Variants in RBFOX1 observed in about 807,000 individuals in gnomAD.
The protein encoded by RBFOX1 is RNA binding fox-1 homolog 1, also known as RNA binding protein fox-1 homolog 1.
In RBFOX1, 8 loss-of-function variants were observed where a neutral mutation model predicts 57.7. The observed-to-expected ratio is 0.14, with a 90% CI of 0.08 to 0.25. The LOEUF (loss-of-function observed/expected upper bound fraction) is 0.25, where lower values mean the gene tolerates loss of function less well. Among genes scored for constraint, RBFOX1 ranks in the 10% least tolerant of loss-of-function variants. The pLI is 1.00. For synonymous variants in RBFOX1, 326 were observed against 222.4 expected, an observed-to-expected ratio of 1.47 and a Z score of -4.15; for missense variants, 611 against 548.5, an observed-to-expected ratio of 1.11 and a Z score of -1.14.
chr16:5,649,606 T>C (rs758887927), intron 3 of RBFOX1, among the ~76,000 whole-genome samples: 8 of 152,228 alleles, frequency 5.3e-5, no homozygotes, highest in Non-Finnish European at 7.3e-5. Context: ...TCATTTCCCT[T>C]TCTTCCCTGA....
chr16:7,623,298 T>A (rs2059586814), intron 10 of RBFOX1, among the ~76,000 whole-genome samples: 1 of 152,206 alleles, frequency 6.6e-6, no homozygotes, highest in Non-Finnish European at 1.5e-5. Context: ...GCATTTCTTG[T>A]GTACCTTATT....
chr16:6,965,029 T>C (rs2083804646), intron 3 of RBFOX1, among the ~76,000 whole-genome samples: 1 of 152,238 alleles, frequency 6.6e-6, no homozygotes, highest in East Asian at 1.9e-4. Flanking sequence ...TGTTGCTTTA[T>C]TATCTCTAGG....
chr16:6,543,422 C>G (rs938448372), intron 2 of RBFOX1, among the ~76,000 whole-genome samples: 3 of 152,106 alleles, frequency 2.0e-5, no homozygotes, highest in Non-Finnish European at 2.9e-5. Context: ...TTGGGTTGGC[C>G]TGATTCAAGC....
chr16:6,171,508 G>C (rs1183750437), intron 1 of RBFOX1, among the ~76,000 whole-genome samples: 1 of 152,196 alleles, frequency 6.6e-6, no homozygotes, highest in Non-Finnish European at 1.5e-5. Context: ...AGTTTGGTGG[G>C]ATATTTGGCT....
intron 4 of RBFOX1, among the ~76,000 whole-genome samples, chr16:7,215,278 G>C (rs1204601391): frequency 2.0e-5 from 3 of 152,160 alleles, no homozygotes; most frequent in Non-Finnish European, 4.4e-5. Flanking sequence ...GAAGGATCTA[G>C]AACCAGAAAT....
chr16:7,256,261 A>C (rs2094678441), intron 4 of RBFOX1, among the ~76,000 whole-genome samples: 2 of 152,172 alleles, frequency 1.3e-5, no homozygotes, highest in South Asian at 4.1e-4. Context: ...CCCAAAAGCC[A>C]GGCCTCTGGG....
At chr16:6,888,425 G>T (rs1368985472) in intron 3 of RBFOX1, among the ~76,000 whole-genome samples, 1 of 152,076 alleles carries the variant, frequency 6.6e-6, no homozygotes, top group Non-Finnish European at 1.5e-5. Flanking sequence ...CACTTAGAAA[G>T]CAGTGTTCTC....
chr16:6,182,891 A>G (rs923216943), intron 1 of RBFOX1, among the ~76,000 whole-genome samples: 1 of 152,196 alleles, frequency 6.6e-6, no homozygotes, highest in African/African-American at 2.4e-5. Context: ...GAACCTGTTA[A>G]TGTACTTTTA....
At chr16:5,702,266 C>G (rs771844339) in intron 3 of RBFOX1, among the ~76,000 whole-genome samples, 89 of 152,312 alleles carry the variant, frequency 5.8e-4, no homozygotes, top group Non-Finnish European at 1.2e-3. Flanking sequence ...AAGCAAGCCC[C>G]TTCTTCACAT....
At chr16:5,812,672 C>T (rs935972074) in intron 3 of RBFOX1, among the ~76,000 whole-genome samples, 1 of 152,180 alleles carries the variant, frequency 6.6e-6, no homozygotes, top group Non-Finnish European at 1.5e-5. Flanking sequence ...CTGTTGCCTA[C>T]GTTGGTCTCA....
At chr16:5,628,302 A>G (rs1034134730) in intron 3 of RBFOX1, among the ~76,000 whole-genome samples, 4 of 152,182 alleles carry the variant, frequency 2.6e-5, no homozygotes, top group African/African-American at 4.8e-5. Context: ...TGTGATACCA[A>G]TTATCACAGA....
intron 3 of RBFOX1, among the ~76,000 whole-genome samples, chr16:5,837,409 C>A (rs2056494973): frequency 6.6e-6 from 1 of 151,998 alleles, no homozygotes. Context: ...ATTTTTGTCC[C>A]AGTCCAAGTC....
chr16:5,809,370 A>C lies in RBFOX1; in HGVS notation c.319-57933A>C, dbSNP rs544577889. Among the ~76,000 whole-genome samples the C allele has an allele frequency of 4.1e-4, 63 of 152,356 alleles. 1 individual carries two copies. Among genetic ancestry groups the C allele is most frequent in the African/African-American group, 1.4e-3 (58 of 41,592 alleles). On this transcript the variant is annotated intron_variant, in intron 3 of 19. Transcript: ENST00000641259. ...CTTCTGGACAGCAAAAGAAACTGCT[A>C]TCAGAGTGAACAGGCAGCCTACACA...
At chr16:5,868,823 C>T (rs1236079584) in intron 4 of RBFOX1, among the ~76,000 whole-genome samples, 1 of 152,170 alleles carries the variant, frequency 6.6e-6, no homozygotes, top group Non-Finnish European at 1.5e-5. Context: ...CAATATGCAT[C>T]CTATGAGGCT....
chr16:5,561,503 T>C (rs1256951514), intron 2 of RBFOX1, among the ~76,000 whole-genome samples: 1 of 152,154 alleles, frequency 6.6e-6, no homozygotes, highest in Non-Finnish European at 1.5e-5. Flanking sequence ...ACAGTCATTC[T>C]AACTTAATTA....
chr16:7,325,994 A>G (rs2096606488), intron 4 of RBFOX1, among the ~76,000 whole-genome samples: 1 of 152,130 alleles, frequency 6.6e-6, no homozygotes, highest in South Asian at 2.1e-4. Flanking sequence ...ATCATTCTTG[A>G]TGACTCAGCA....
At chr16:6,990,330 G>T (rs911318211) in intron 3 of RBFOX1, among the ~76,000 whole-genome samples, 3 of 152,102 alleles carry the variant, frequency 2.0e-5, no homozygotes, top group African/African-American at 7.2e-5. Flanking sequence ...TTCGAGACCA[G>T]CCTGGCCAAC....
intron 2 of RBFOX1, among the ~76,000 whole-genome samples, chr16:6,344,797 T>G (rs1425501849): frequency 6.6e-6 from 1 of 150,588 alleles, no homozygotes; most frequent in Admixed American, 6.7e-5. Flanking sequence ...TTCAAGCGAT[T>G]CTCCTGCCTC....
chr16:6,090,750 G>A (rs186324113), intron 1 of RBFOX1, among the ~76,000 whole-genome samples: 3 of 152,088 alleles, frequency 2.0e-5, no homozygotes, highest in African/African-American at 4.8e-5. Flanking sequence ...AAACAAATCC[G>A]CTGAATGACT....
Sources: gnomAD v4.1 joint callset for allele counts (sites outside exome capture counted in the v4.1 genomes callset) on GRCh38, gnomAD v4.1.1 for gene constraint, MANE v1.5 for transcripts, NCBI Gene and HGNC (gene_info 2026-07-23, HGNC 2026-07-21) for gene names.